ERBIN: variants seen among roughly 807,000 people sequenced by gnomAD.
ERBIN encodes the protein densin-180-like protein.
In ERBIN, 60 loss-of-function variants were observed where a neutral mutation model predicts 158.4. That is an observed-to-expected ratio of 0.38 (90% CI 0.31 to 0.47). The LOEUF (loss-of-function observed/expected upper bound fraction) is 0.47. Ranked by LOEUF, ERBIN falls within the 20% of genes least tolerant of loss-of-function variation. The probability of loss-of-function intolerance (pLI) is 0.99; values close to 1 mark genes in which losing one functional copy is unlikely to be tolerated. For missense variants in ERBIN, 1,610 were observed against 1,648.0 expected (o/e 0.98, Z 0.40); for synonymous variants, 594 against 557.2 (o/e 1.07, Z -0.93).
At chr5:65,954,685 C>T (rs1286733035) in intron 1 of ERBIN, among the ~76,000 whole-genome samples, 1 of 151,556 alleles carries the variant, frequency 6.6e-6, no homozygotes, top group Non-Finnish European at 1.5e-5. Flanking sequence ...TGGCATGTCC[C>T]ACGAAAGTTT....
intron 25 of ERBIN, among the ~76,000 whole-genome samples, chr5:66,077,507 AAT>A (rs1762101037): frequency 1.3e-5 from 2 of 152,072 alleles, no homozygotes; most frequent in South Asian, 4.1e-4. Context: ...GAGAGACATT[AAT>A]GTCTAATAGC....
At chr5:65,999,100 G>A (rs1752757101) in intron 4 of ERBIN, among the ~76,000 whole-genome samples, 2 of 152,100 alleles carry the variant, frequency 1.3e-5, no homozygotes, top group South Asian at 4.1e-4. Context: ...TGTGCGTGGT[G>A]GCTCACCCCT....
chr5:65,998,368 T>C (rs1752672573), intron 4 of ERBIN, among the ~76,000 whole-genome samples: 1 of 151,610 alleles, frequency 6.6e-6, no homozygotes, highest in Admixed American at 6.6e-5. Flanking sequence ...GGATTTATTA[T>C]TTGCTTATGT....
chr5:66,047,512 C>G (rs1758565875), intron 18 of ERBIN, among the ~76,000 whole-genome samples: 1 of 151,990 alleles, frequency 6.6e-6, no homozygotes, highest in Non-Finnish European at 1.5e-5. Context: ...CCTTCATACA[C>G]TGCTAGTGGT....
intron 17 of ERBIN, among the ~76,000 whole-genome samples, chr5:66,045,189 G>A (rs1025441521): frequency 2.6e-5 from 4 of 151,808 alleles, no homozygotes; most frequent in East Asian, 1.9e-4. Context: ...ACAGCACTCC[G>A]GCATGGGTGA....
intron 7 of ERBIN, among the ~76,000 whole-genome samples, chr5:66,015,084 A>G (rs1319695543): frequency 6.6e-6 from 1 of 152,132 alleles, no homozygotes; most frequent in Non-Finnish European, 1.5e-5. Flanking sequence ...GATCCATAGG[A>G]TCTTCATGTG....
chr5:65,959,689 T>C (rs1035805095), intron 1 of ERBIN, among the ~76,000 whole-genome samples: 4 of 152,366 alleles, frequency 2.6e-5, no homozygotes, highest in African/African-American at 4.8e-5. Flanking sequence ...ATGACACTTA[T>C]GACTGTGTGC....
At chr5:66,055,472 T>A (rs1759495952) in intron 21 of ERBIN, among the ~76,000 whole-genome samples, 1 of 152,194 alleles carries the variant, frequency 6.6e-6, no homozygotes, top group South Asian at 2.1e-4. Context: ...ATTTCTGACC[T>A]ACTTAAACTC....
chr5:65,954,997 G>A (rs759934068), intron 1 of ERBIN, among the ~76,000 whole-genome samples: 37 of 152,036 alleles, frequency 2.4e-4, no homozygotes, highest in Non-Finnish European at 4.7e-4. Flanking sequence ...CTCGGGAGGC[G>A]GAGGTTGCAG....
intron 4 of ERBIN, among the ~76,000 whole-genome samples, chr5:66,007,172 A>G (rs1474505807): frequency 1.3e-5 from 2 of 151,208 alleles, no homozygotes; most frequent in African/African-American, 2.4e-5. Flanking sequence ...GGATTAAGAA[A>G]ATGTGGCACA....
intron 22 of ERBIN, among the ~76,000 whole-genome samples, chr5:66,074,235 A>G (rs529004296): frequency 6.6e-6 from 1 of 152,036 alleles, no homozygotes; most frequent in South Asian, 2.1e-4. Flanking sequence ...ATAAGCTATT[A>G]GCCACATTTC....
At chr5:65,961,929 C>T (rs561408548) in intron 1 of ERBIN, among the ~76,000 whole-genome samples, 14 of 152,206 alleles carry the variant, frequency 9.2e-5, no homozygotes, top group Admixed American at 2.0e-4. Context: ...CTTTTTGGTG[C>T]TGCAGAAAGC....
intron 1 of ERBIN, among the ~76,000 whole-genome samples, chr5:65,965,379 GTTGTTTTTTTTTTTTTTTTTT>G (rs1561304843): frequency 0.029 from 2,967 of 103,552 alleles, 250 homozygotes; most frequent in African/African-American, 0.11. Context: ...TTTGTTTTTT[GTTGTTTTTTTTTTTTTTTTTT>G]TTTTTTTTTT....
chr5:66,009,296 C>G (rs960256207), intron 4 of ERBIN, among the ~76,000 whole-genome samples: 1 of 151,942 alleles, frequency 6.6e-6, no homozygotes, highest in African/African-American at 2.4e-5. Context: ...AATTGTTCGT[C>G]GAAGAACTGA....
chr5:66,009,443 CATGTACTT>C (rs1199883785), intron 4 of ERBIN, among the ~76,000 whole-genome samples: 36 of 152,128 alleles, frequency 2.4e-4, no homozygotes, highest in Admixed American at 6.5e-5. Flanking sequence ...TGAATAGTAA[CATGTACTT>C]AAAGTGGAGA....
At chr5:65,999,569 C>T (rs1752812407) in intron 4 of ERBIN, among the ~76,000 whole-genome samples, 1 of 152,038 alleles carries the variant, frequency 6.6e-6, no homozygotes, top group Non-Finnish European at 1.5e-5. Flanking sequence ...CTCTTTAGGC[C>T]CCTTCTGCAT....
chr5:65,976,262 C>T (rs77813676), intron 1 of ERBIN, among the ~76,000 whole-genome samples: 6,102 of 152,184 alleles, frequency 0.04, 414 homozygotes, highest in African/African-American at 0.14. Flanking sequence ...TCACTTGAGG[C>T]CAGGAGTTTG....
chr5:66,011,170 T>G (rs1479555292), intron 4 of ERBIN, among the ~76,000 whole-genome samples: 1 of 152,010 alleles, frequency 6.6e-6, no homozygotes, highest in Non-Finnish European at 1.5e-5. Flanking sequence ...TTGGGTTACG[T>G]GAAGGGAAAA....
rs1482589222 is a variant in ERBIN, at chr5:65,941,729, C to T, written c.-58+14923C>T. Among the ~76,000 whole-genome samples, 7 of 152,022 alleles carry T rather than the reference C, an allele frequency of 4.6e-5. No individual in the cohort carries two copies. The East Asian group carries it at 1.3e-3, about 29-fold the overall frequency. On this transcript the variant is annotated intron_variant, in intron 1 of 25. Coordinates refer to ENST00000284037, the MANE Select transcript of ERBIN (RefSeq NM_001253697.2). ...GTCCCATGTGTTTCATAGACCTTAA[C>T]CTTACCCTTTCTTGTAGTATTTTTT...
Sources: allele counts gnomAD v4.1 joint callset (sites outside exome capture counted in the v4.1 genomes callset), GRCh38; gene constraint gnomAD v4.1.1; transcripts MANE v1.5; gene names NCBI Gene and HGNC (gene_info 2026-07-23, HGNC 2026-07-21).